GBP6: variants seen among roughly 807,000 people sequenced by gnomAD.
The protein encoded by GBP6 is guanylate-binding protein 6.
GBP6 carries 54 observed loss-of-function variants against 61.5 expected under a neutral mutation model. That is an observed-to-expected ratio of 0.88 (90% CI 0.71 to 1.10). GBP6 has a LOEUF of 1.10. Among genes scored for constraint, GBP6 ranks in the 50% least tolerant of loss-of-function variants. The pLI, the probability that GBP6 is intolerant of heterozygous loss-of-function variation, is 0.00. For missense variants in GBP6, 748 were observed against 752.8 expected, an observed-to-expected ratio of 0.99 and a Z score of 0.07; for synonymous variants, 255 against 273.7, an observed-to-expected ratio of 0.93 and a Z score of 0.67.
At position 89,371,007 on chromosome 1, in the gene GBP6, G is replaced by A. The variant is rs560394809; in HGVS notation, c.318+1334G>A. Among the ~76,000 whole-genome samples, 4 of 152,130 alleles carry A rather than the reference G, an allele frequency of 2.6e-5. No individual in the cohort carries two copies. The East Asian group carries it at 7.7e-4, about 29-fold the overall frequency. On this transcript the variant is annotated intron_variant, in intron 3 of 10. Transcript: ENST00000370456. ...CATTTCTTCATTTCTCGCATCCCCA[G>A]CCCCTGGCAACCACTATTATACTCT... is the stretch of plus-strand genomic sequence containing the variant.
rs2100678467 is a variant in GBP6, at chr1:89,386,167, A to T, written c.*698A>T. 6.6e-6 allele frequency: 1 copy of T among 152,302 alleles called. No homozygotes were observed. Among genetic ancestry groups the T allele is most frequent in the Non-Finnish European group, 1.5e-5 (1 of 68,028 alleles). 9.4% of individuals were successfully genotyped at this position (152,302 alleles called of 1,614,324 possible). ...CTTGAAGAGACATTGTAAAATGAAA[A>T]AAAAAAAAACCAAGTTGTAAAGCAA... On this transcript the variant is annotated 3_prime_UTR_variant, in exon 11 of 11. Transcript: ENST00000370456.
At chr1:89,376,422 C>T (rs1292430114) in intron 3 of GBP6, among the ~76,000 whole-genome samples, 1 of 152,156 alleles carries the variant, frequency 6.6e-6, no homozygotes, top group African/African-American at 2.4e-5. Flanking sequence ...TGCTCTTCTG[C>T]ATACATGTGG....
rs192088221 is a variant in GBP6 at position 89,383,749 on chromosome 1, T to C, written c.1463T>C (p.Val488Ala). ...DKALTDREKAVAVDRAKKEAA... is the reference protein window; with the variant it reads ...DKALTDREKAAAVDRAKKEAA... ...GCCCTCACTGATAGAGAGAAGGCAG[T>C]AGCAGGTATGGGGCAGGGCTCAGCT... is the stretch of plus-strand genomic sequence containing the variant. The change falls in exon 9 of 11, where the codon GTA becomes GCA. Residue 488 changes from valine (V) to alanine (A), a missense_variant. Transcript: ENST00000370456. 5.6e-6 allele frequency: 9 copies of C among 1,605,844 alleles called. No individual in the cohort carries two copies. The East Asian group carries it at 2.0e-4, about 36-fold the overall frequency.
At chr1:89,366,035 T>G (rs780892093) in intron 1 of GBP6, among the ~76,000 whole-genome samples, 4 of 152,230 alleles carry the variant, frequency 2.6e-5, no homozygotes, top group Non-Finnish European at 5.9e-5. Context: ...ATAATTGTAC[T>G]TTCAATACTA....
At chr1:89,367,522 T>C (rs1652497337) in intron 1 of GBP6, among the ~76,000 whole-genome samples, 1 of 152,208 alleles carries the variant, frequency 6.6e-6, no homozygotes, top group Admixed American at 6.5e-5. Context: ...TTGGCTATTG[T>C]TGCTATTGAG....
At chr1:89,379,351 G>A (rs1014273853) in intron 5 of GBP6, among the ~76,000 whole-genome samples, 3 of 136,030 alleles carry the variant, frequency 2.2e-5, no homozygotes, top group Non-Finnish European at 4.8e-5. Flanking sequence ...AACATTGGGG[G>A]GGGGGGGTCA....
chr1:89,380,386 GC>G lies in GBP6; in HGVS notation c.627del (p.Asn210IlefsTer37). The G allele has an allele frequency of 6.2e-7, 1 of 1,611,886 alleles. No individual in the cohort carries two copies. Among genetic ancestry groups the G allele is most frequent in the South Asian group, 1.1e-5 (1 of 90,956 alleles). ...TTCTCTGTTTTTTTTTATCCCTCAG[GC>G]AATAATCCCAGAGTTCAAACATCCA... ...YLENALKLIQ[G>X]NNPRVQTSNF... On this transcript the variant is annotated frameshift_variant and splice_region_variant, in exon 6 of 11. Transcript: ENST00000370456. LOFTEE classifies it high-confidence loss of function.
chr1:89,366,475 T>A (rs1263857283), intron 1 of GBP6, among the ~76,000 whole-genome samples: 1 of 152,136 alleles, frequency 6.6e-6, no homozygotes, highest in Non-Finnish European at 1.5e-5. Context: ...AACCTGTAGA[T>A]AAAAGACAAA....
In GBP6 at chr1:89,368,733, A is replaced by C; in HGVS notation, c.182A>C (p.Gln61Pro). The C allele has an allele frequency of 6.2e-7, 1 of 1,611,974 alleles. No individual in the cohort carries two copies. The highest frequency in any genetic ancestry group is 1.1e-5 in the South Asian group (1 of 90,898). Residue 61 changes from glutamine (Q) to proline (P), a missense_variant, in exon 2 of 11, where the codon CAG becomes CCG. Coordinates refer to ENST00000370456, the MANE Select transcript of GBP6 (RefSeq NM_198460.3). ...TACTTGATGAACCATCTGGCAGGAC[A>C]GAATCATGGTAAGTGGTATCCTGGG... ...KSYLMNHLAG[Q>P]NHGFPLGSTV...
intron 5 of GBP6, 141 bp downstream of exon 5, chr1:89,378,754 G>A: frequency 1.6e-6 from 1 of 626,768 alleles, no homozygotes; most frequent in Non-Finnish European, 2.8e-6. Context: ...ATGTTGAAGA[G>A]CTCTAGGAAT....
At chr1:89,370,652 T>A (rs1652603401) in intron 3 of GBP6, among the ~76,000 whole-genome samples, 1 of 152,238 alleles carries the variant, frequency 6.6e-6, no homozygotes, top group African/African-American at 2.4e-5. Flanking sequence ...GAAATTCTGT[T>A]TATTTTTCTG....
rs373557499 is a variant in GBP6 at position 89,378,544 on chromosome 1, G to A, written c.556G>A (p.Glu186Lys). 1 of 1,614,018 alleles carries A rather than the reference G, an allele frequency of 6.2e-7. No homozygotes were observed. Among genetic ancestry groups the A allele is most frequent in the Non-Finnish European group, 8.5e-7 (1 of 1,179,942 alleles). ...FLWTVRDFTL[E>K]LKLNGHPITE... The stretch of plus-strand genomic sequence containing the variant: ...TTGGACAGTACGGGATTTCACTCTG[G>A]AGCTGAAGTTGAACGGTCACCCTAT... Residue 186 changes from glutamate to lysine, a missense_variant, in exon 5 of 11, where the codon GAG (glutamate) becomes AAG (lysine). Coordinates refer to ENST00000370456, the MANE Select transcript of GBP6 (RefSeq NM_198460.3).
In GBP6 at chr1:89,378,516, T is replaced by G. The variant is rs1199245796; in HGVS notation, c.528T>G (p.Phe176Leu). ...AGTTTGTGAGTTTCTTCCCAGACTTTCTTTGGACAGTACGGGATTTCACTC... is the reference window on the plus strand; with the variant it reads ...AGTTTGTGAGTTTCTTCCCAGACTTGCTTTGGACAGTACGGGATTTCACTC... Reference protein sequence around the residue: ...STEFVSFFPDFLWTVRDFTLE... With the variant: ...STEFVSFFPDLLWTVRDFTLE... The change falls in exon 5 of 11, where the codon TTT becomes TTG. Residue 176 changes from phenylalanine (F) to leucine (L), a missense_variant. Transcript: ENST00000370456. 2 of 1,614,096 alleles carry G rather than the reference T, an allele frequency of 1.2e-6. No homozygotes were observed. The highest frequency in any genetic ancestry group is 1.7e-6 in the Non-Finnish European group (2 of 1,179,980).
chr1:89,369,625 C>T lies in GBP6; in HGVS notation c.270C>T (p.Asn90=). 1.9e-6 allele frequency: 3 copies of T among 1,614,116 alleles called. No homozygotes were observed. Among genetic ancestry groups the T allele is most frequent in the Non-Finnish European group, 1.7e-6 (2 of 1,179,984 alleles). The change falls in exon 3 of 11, where the codon AAC becomes AAT. Residue 90 remains asparagine, a synonymous_variant. Transcript: ENST00000370456. ...GCGTGCCCCACCCATCCAAGCCAAA[C>T]CACACCCTGGTCCTTCTGGACACCG... The part of the protein sequence containing the change: ...MWCVPHPSKP[N]HTLVLLDTEG...
At chr1:89,379,982 A>T (rs953962341) in intron 5 of GBP6, among the ~76,000 whole-genome samples, 1 of 152,198 alleles carries the variant, frequency 6.6e-6, no homozygotes, top group African/African-American at 2.4e-5. Context: ...TATAAAAACT[A>T]GAACAAATCA....
chr1:89,381,677 T>G lies in GBP6; in HGVS notation c.872-17T>G. 6.3e-7 allele frequency: 1 copy of G among 1,581,082 alleles called. No homozygotes were observed. The highest frequency in any genetic ancestry group is 8.6e-7 in the Non-Finnish European group (1 of 1,160,864). On this transcript the variant is annotated splice_polypyrimidine_tract_variant and intron_variant, in intron 6 of 10. Transcript: ENST00000370456. ...TTTAATTTCATATTTAGCCCCTAAATCTCCTGGTTCATTTAGGTCTGGGAA... is the reference window on the plus strand; with the variant it reads ...TTTAATTTCATATTTAGCCCCTAAAGCTCCTGGTTCATTTAGGTCTGGGAA...
Position 89,380,508 on chromosome 1 carries a change from GAGA to G in GBP6, c.751_753del (p.Lys251del). ...TGACAAAGACCTTCTAGCCAATATTGAGAAGGTGTCAGAAAAGCAACTGGATCC... is the reference window on the plus strand; with the variant it reads ...TGACAAAGACCTTCTAGCCAATATTGAGGTGTCAGAAAAGCAACTGGATCC... On this transcript the variant is annotated inframe_deletion, in exon 6 of 11. Transcript: ENST00000370456. 1.2e-6 allele frequency: 2 copies of G among 1,614,088 alleles called. No homozygotes were observed. Among genetic ancestry groups the G allele is most frequent in the East Asian group, 2.2e-5 (1 of 44,874 alleles).
At chr1:89,375,535 C>G (rs1652779820) in intron 3 of GBP6, among the ~76,000 whole-genome samples, 1 of 152,144 alleles carries the variant, frequency 6.6e-6, no homozygotes, top group South Asian at 2.1e-4. Flanking sequence ...GCAAATCATT[C>G]TATTATAAAG....
intron 1 of GBP6, among the ~76,000 whole-genome samples, chr1:89,367,704 A>G (rs1652503264): frequency 1.3e-5 from 2 of 152,162 alleles, no homozygotes; most frequent in African/African-American, 4.8e-5. Context: ...TGGTTTTGAT[A>G]TCATACACAA....
Sources: allele counts gnomAD v4.1 joint callset (sites outside exome capture counted in the v4.1 genomes callset), GRCh38; gene constraint gnomAD v4.1.1; transcripts MANE v1.5; gene names NCBI Gene and HGNC (gene_info 2026-07-23, HGNC 2026-07-21).